The following VWCE variants were observed in gnomAD, a reference collection of about 807,000 sequenced individuals.
VWCE encodes the protein von Willebrand factor C and EGF domain-containing protein.
Under a neutral mutation model 102.9 loss-of-function variants are expected in VWCE, and 68 were observed. The observed-to-expected ratio is 0.66, with a 90% CI of 0.54 to 0.81. VWCE has a LOEUF of 0.81. Among genes scored for constraint, VWCE ranks in the 30% least tolerant of loss-of-function variants. VWCE has a pLI of 0.00. For synonymous variants in VWCE, 497 were observed against 515.4 expected, an observed-to-expected ratio of 0.96 and a Z score of 0.48; for missense variants, 1,137 against 1,263.6, an observed-to-expected ratio of 0.90 and a Z score of 1.52.
At chr11:61,286,757 C>T (rs557041803) in intron 4 of VWCE, among the ~76,000 whole-genome samples, 5 of 150,860 alleles carry the variant, frequency 3.3e-5, no homozygotes, top group East Asian at 2.0e-4. Flanking sequence ...GCCGAGATTG[C>T]GCCATTGCAC....
intron 1 of VWCE, among the ~76,000 whole-genome samples, chr11:61,293,985 G>C (rs1007042690): frequency 1.3e-5 from 2 of 152,166 alleles, no homozygotes; most frequent in African/African-American, 4.8e-5. Flanking sequence ...GGGACCGGGC[G>C]AATGAGCGGA....
intron 4 of VWCE, among the ~76,000 whole-genome samples, chr11:61,288,839 G>GTTTTT (rs34247864): frequency 7.5e-6 from 1 of 134,014 alleles, no homozygotes; most frequent in African/African-American, 2.8e-5. Flanking sequence ...TTTATGGCGC[G>GTTTTT]TTTTTTTTTT....
rs1212208046 is a variant in VWCE at position 61,295,060 on chromosome 11, G to T, written c.-23C>A. On this transcript the variant is annotated 5_prime_UTR_variant, in exon 1 of 20. Coordinates refer to ENST00000335613, the MANE Select transcript of VWCE (RefSeq NM_152718.2). The surrounding 1 kb of genome is among the most constrained non-coding windows in gnomAD (Gnocchi z 4.6). ...CATGACCGGCGGCGGCGGGTCCCCCGGGCTGGGCTCGGCTCCTGCGCCGCG... is the reference window on the plus strand; with the variant it reads ...CATGACCGGCGGCGGCGGGTCCCCCTGGCTGGGCTCGGCTCCTGCGCCGCG... 1.5e-6 allele frequency: 2 copies of T among 1,335,086 alleles called. No homozygotes were observed. The highest frequency in any genetic ancestry group is 1.9e-6 in the Non-Finnish European group (2 of 1,039,162). The allele number at this position is 1,335,086 out of a possible 1,614,324, so 82.7% of individuals were successfully genotyped here.
At chr11:61,273,641 A>AGGAGCCATAACCCAGACTCAGCTCCACCC in intron 12 of VWCE, 1 of 299,522 alleles carries the variant, frequency 3.3e-6, no homozygotes, top group South Asian at 5.6e-5. Flanking sequence ...CACTGAGTGC[A>AGGAGCCATAACCCAGACTCAGCTCCACCC]AAGCCCTCAA....
intron 16 of VWCE, among the ~76,000 whole-genome samples, chr11:61,266,117 C>T (rs1008791056): frequency 1.3e-5 from 2 of 151,824 alleles, no homozygotes; most frequent in Admixed American, 6.6e-5. Context: ...TAATCCAGCA[C>T]TTTGGGAAGC....
chr11:61,258,414 C>T lies in VWCE; in HGVS notation c.*261G>A, dbSNP rs1232320482. 3 of 339,878 alleles carry T rather than the reference C, an allele frequency of 8.8e-6. No homozygotes were observed. Among genetic ancestry groups the T allele is most frequent in the African/African-American group, 4.2e-5 (2 of 47,476 alleles). 21.1% of individuals were successfully genotyped at this position (339,878 alleles called of 1,614,324 possible). ...TCCAGGAGAACTTGGCAGTCCCAAC[C>T]CTTCTCAAAAGATGAGCCAGCCACG... On this transcript the variant is annotated 3_prime_UTR_variant, in exon 20 of 20. Coordinates refer to ENST00000335613, the MANE Select transcript of VWCE (RefSeq NM_152718.2).
intron 14 of VWCE, chr11:61,271,204 GGCGT>G (rs947193896): frequency 2.5e-5 from 4 of 159,540 alleles, no homozygotes; most frequent in Admixed American, 6.1e-5. Flanking sequence ...GGGGTGCAGT[GGCGT>G]GATCTCAGCT....
chr11:61,294,892 CG>C lies in VWCE; in HGVS notation c.110+35del. On this transcript the variant is annotated intron_variant, in intron 1 of 19. Transcript: ENST00000335613. This position sits in a 1 kb window ranked among gnomAD's most constrained non-coding sequence, Gnocchi z 6.3. Reference sequence around the variant, plus strand: ...CGACTGCACGCCGGTAGCGCTCTCCCGGGCGGGGGAGCGGGGAGGAGCTCCG... The same window carrying C: ...CGACTGCACGCCGGTAGCGCTCTCCCGGCGGGGGAGCGGGGAGGAGCTCCG... 1 of 1,343,968 alleles carries C rather than the reference CG, an allele frequency of 7.4e-7. No individual in the cohort carries two copies. The highest frequency in any genetic ancestry group is 1.6e-5 in the South Asian group (1 of 60,740). The allele number at this position is 1,343,968 out of a possible 1,614,324, so 83.3% of individuals were successfully genotyped here. A position where few individuals can be genotyped will look rare whatever the true frequency, so the allele number is the denominator to read the frequency against.
intron 4 of VWCE, among the ~76,000 whole-genome samples, chr11:61,289,916 G>A (rs949090595): frequency 1.3e-5 from 2 of 152,280 alleles, no homozygotes; most frequent in Non-Finnish European, 1.5e-5. Context: ...GGCTTTTGTC[G>A]CTCTGGAAAG....
At chr11:61,289,455 G>C (rs1329555058) in intron 4 of VWCE, among the ~76,000 whole-genome samples, 1 of 151,752 alleles carries the variant, frequency 6.6e-6, no homozygotes, top group African/African-American at 2.4e-5. Context: ...TCACCATGTT[G>C]GCCAGGCTGG....
intron 4 of VWCE, among the ~76,000 whole-genome samples, chr11:61,290,469 G>A (rs923709979): frequency 6.9e-6 from 1 of 145,418 alleles, no homozygotes; most frequent in African/African-American, 2.6e-5. Context: ...CTGAGACCAT[G>A]CTACTTCACT....
Position 61,259,049 on chromosome 11 carries a change from C to A in VWCE, c.2494G>T (p.Ala832Ser), listed in dbSNP as rs768390397. 1.7e-5 allele frequency: 27 copies of A among 1,613,838 alleles called. No individual in the cohort carries two copies. The highest frequency in any genetic ancestry group is 2.7e-5 in the African/African-American group (2 of 74,926). Residue 832 changes from alanine to serine, a missense_variant, in exon 20 of 20, where the codon GCC becomes TCC. By Grantham distance (99) the Ala-to-Ser change is moderately conservative (BLOSUM62 1). This residue lies in a region of VWCE where 316 missense variants were observed against 319.3 expected (regional missense o/e 0.99). Coordinates refer to ENST00000335613, the MANE Select transcript of VWCE (RefSeq NM_152718.2). ...GPHSLALGLT[A>S]TFPGEPGASP... ...GCCCCAGGCTCCCCTGGGAAAGTGG[C>A]TGTCAGCCCCAAAGCGAGTGAGTGT... is the stretch of plus-strand genomic sequence containing the variant.
At chr11:61,270,296 A>G (rs1182853900) in intron 14 of VWCE, among the ~76,000 whole-genome samples, 3 of 152,160 alleles carry the variant, frequency 2.0e-5, no homozygotes, top group Admixed American at 6.5e-5. Flanking sequence ...GTGCACACAA[A>G]TCACCTGGAG....
chr11:61,290,667 C>T, intron 4 of VWCE, 132 bp downstream of exon 4: 1 of 1,042,108 alleles, frequency 9.6e-7, no homozygotes, highest in Non-Finnish European at 1.3e-6. Flanking sequence ...TCTCTGCCCA[C>T]TCTCAAACAT....
intron 9 of VWCE, among the ~76,000 whole-genome samples, chr11:61,279,970 G>A (rs1403334397): frequency 6.6e-6 from 1 of 152,078 alleles, no homozygotes; most frequent in Non-Finnish European, 1.5e-5. Flanking sequence ...CAAGTGATCC[G>A]CCCACCTCGG....
chr11:61,264,871 A>C lies in VWCE; in HGVS notation c.2139+85T>G, dbSNP rs1854463883. On this transcript the variant is annotated intron_variant, in intron 18 of 19. Transcript: ENST00000335613. The stretch of plus-strand genomic sequence containing the variant: ...GCAGGAGGATGGATTTATGCTGGCT[A>C]AAGGGCTCCATGTTTTGCAAAGGGA... The C allele has an allele frequency of 7.0e-6, 10 of 1,437,818 alleles. No homozygotes were observed. The South Asian group carries it at 1.2e-4, about 17-fold the overall frequency. The allele number at this position is 1,437,818 out of a possible 1,614,324, so 89.1% of individuals were successfully genotyped here. A position where few individuals can be genotyped will look rare whatever the true frequency, so the allele number is the denominator to read the frequency against.
At chr11:61,281,759 G>A (rs779594113) in intron 7 of VWCE, 27 bp downstream of exon 7, 3 of 1,592,164 alleles carry the variant, frequency 1.9e-6, no homozygotes, top group Non-Finnish European at 8.6e-7. Context: ...GTGGCCAGCC[G>A]CCGGGATGGA....
chr11:61,294,384 A>C lies in VWCE; in HGVS notation c.110+544T>G, dbSNP rs1005527757. Among the ~76,000 whole-genome samples, 9 of 152,180 alleles carry C rather than the reference A, an allele frequency of 5.9e-5. No individual in the cohort carries two copies. The highest frequency in any genetic ancestry group is 1.9e-4 in the African/African-American group (8 of 41,452). On this transcript the variant is annotated intron_variant, in intron 1 of 19. Coordinates refer to ENST00000335613, the MANE Select transcript of VWCE (RefSeq NM_152718.2). This position sits in a 1 kb window ranked among gnomAD's most constrained non-coding sequence, Gnocchi z 6.3. ...GCGGCCCGGGGGAAAGCACGTGCGGAGGGCGGCATCCATCGCGAAAGACAG... is the reference window on the plus strand; with the variant it reads ...GCGGCCCGGGGGAAAGCACGTGCGGCGGGCGGCATCCATCGCGAAAGACAG...
At chr11:61,278,306 C>A in intron 10 of VWCE, 88 bp downstream of exon 10, 1 of 1,436,446 alleles carries the variant, frequency 7.0e-7, no homozygotes, top group Non-Finnish European at 9.7e-7. Context: ...ACAAGCTCAC[C>A]TTTAACATCC....
Sources: allele counts gnomAD v4.1 joint callset (sites outside exome capture counted in the v4.1 genomes callset), GRCh38; gene constraint gnomAD v4.1.1; regional missense constraint gnomAD v4.1.1; non-coding constraint Gnocchi (gnomAD v3.1); transcripts MANE v1.5; gene names NCBI Gene and HGNC (gene_info 2026-07-23, HGNC 2026-07-21).